OTOP1: variants seen among roughly 807,000 people sequenced by gnomAD.
OTOP1 encodes the protein otopetrin 1.
Under a neutral mutation model 52.9 loss-of-function variants are expected in OTOP1, and 59 were observed. The ratio of observed to expected loss-of-function variants is 1.12; its 90% CI spans 0.91 to 1.39. The LOEUF is 1.39. OTOP1 is among the 40% of genes most tolerant of loss of function. OTOP1 has a pLI of 0.00. For synonymous variants in OTOP1, 317 were observed against 337.7 expected (o/e 0.94, Z 0.67); for missense variants, 761 against 800.9 (o/e 0.95, Z 0.60).
chr4:4,223,721 G>A (rs551244708), intron 1 of OTOP1, among the ~76,000 whole-genome samples: 1 of 152,116 alleles, frequency 6.6e-6, no homozygotes, highest in African/African-American at 2.4e-5. Context: ...CCAACATGGT[G>A]AAACACTGTC....
Position 4,202,565 on chromosome 4 carries a change from G to A in OTOP1, c.613C>T (p.His205Tyr), listed in dbSNP as rs57982980. The A allele has an allele frequency of 1.9e-4, 304 of 1,613,824 alleles. No individual in the cohort carries two copies. The highest frequency in any genetic ancestry group is 2.5e-4 in the Admixed American group (15 of 59,988). Reference protein sequence around the residue: ...FKTLERFGVIHSVFTNLLLWA... With the variant: ...FKTLERFGVIYSVFTNLLLWA... ...AGAAGCAGGTTGGTGAACACCGAGT[G>A]GATCACTCCAAACCTGAAAAACACA... The change falls in exon 4 of 6, where the codon CAC becomes TAC. Residue 205 changes from histidine (H) to tyrosine (Y), a missense_variant. This residue lies in a region of OTOP1 where 632 missense variants were observed against 619.5 expected (regional missense o/e 1.02). Coordinates refer to ENST00000296358, the MANE Select transcript of OTOP1 (RefSeq NM_177998.3).
intron 3 of OTOP1, 33 bp downstream of exon 3, chr4:4,206,039 T>A (rs778111974): frequency 6.4e-7 from 1 of 1,551,836 alleles, no homozygotes; most frequent in African/African-American, 1.4e-5. Flanking sequence ...AATGCCAAAT[T>A]CAACATATAA....
chr4:4,216,466 C>T (rs1209854692), intron 1 of OTOP1, among the ~76,000 whole-genome samples: 2 of 152,148 alleles, frequency 1.3e-5, no homozygotes, highest in Non-Finnish European at 2.9e-5. Flanking sequence ...CATTAAGGCA[C>T]TGAGCAGAGA....
At chr4:4,203,570 C>T (rs552110652) in intron 3 of OTOP1, among the ~76,000 whole-genome samples, 1 of 152,310 alleles carries the variant, frequency 6.6e-6, no homozygotes, top group Admixed American at 6.5e-5. Flanking sequence ...ACACTGGACT[C>T]TGGGTAGCAG....
chr4:4,190,870 C>A (rs777409021), intron 5 of OTOP1, among the ~76,000 whole-genome samples: 1 of 152,104 alleles, frequency 6.6e-6, no homozygotes, highest in Non-Finnish European at 1.5e-5. Context: ...TGTTGGCCAG[C>A]GTCCAGGGAT....
chr4:4,191,030 G>A (rs745528445), intron 5 of OTOP1, among the ~76,000 whole-genome samples: 108 of 152,192 alleles, frequency 7.1e-4, no homozygotes, highest in African/African-American at 2.5e-3. Flanking sequence ...CATAGTTTCC[G>A]GTGGCAACTT....
chr4:4,220,684 C>T (rs1717280167), intron 1 of OTOP1, among the ~76,000 whole-genome samples: 1 of 152,172 alleles, frequency 6.6e-6, no homozygotes, highest in Non-Finnish European at 1.5e-5. Flanking sequence ...ATCACTCAAT[C>T]GCCAAGAAAA....
In OTOP1 at chr4:4,203,890, G is replaced by C. The variant is rs1242683633; in HGVS notation, c.600-1312C>G. On this transcript the variant is annotated intron_variant, in intron 3 of 5. Coordinates refer to ENST00000296358, the MANE Select transcript of OTOP1 (RefSeq NM_177998.3). ...CCTGGCTGGGTGGGGCAGATCCATG[G>C]AACCTTCCAAAACCACAGAATCTTG... 3.3e-5 allele frequency among the ~76,000 whole-genome samples: 5 copies of C among 152,338 alleles called. No homozygotes were observed. The East Asian group carries it at 7.7e-4, about 23-fold the overall frequency.
At chr4:4,193,996 T>C (rs1326496104) in intron 5 of OTOP1, among the ~76,000 whole-genome samples, 1 of 152,202 alleles carries the variant, frequency 6.6e-6, no homozygotes, top group African/African-American at 2.4e-5. Context: ...GAGACCACCC[T>C]GACCAACCTA....
chr4:4,213,048 T>G (rs888287357), intron 1 of OTOP1, 44 bp from the exon 2 acceptor site: 13 of 1,591,218 alleles, frequency 8.2e-6, no homozygotes, highest in Admixed American at 1.7e-5. Context: ...ACACATTGCA[T>G]TAACATACAT....
At chr4:4,211,016 C>G (rs1373623938) in intron 2 of OTOP1, among the ~76,000 whole-genome samples, 1 of 152,120 alleles carries the variant, frequency 6.6e-6, no homozygotes, top group Non-Finnish European at 1.5e-5. Flanking sequence ...CTTTCAAGTG[C>G]AAGGCAGCCC....
chr4:4,197,450 G>C lies in OTOP1; in HGVS notation c.1384C>G (p.Arg462Gly). 6.2e-7 allele frequency: 1 copy of C among 1,614,108 alleles called. No individual in the cohort carries two copies. The highest frequency in any genetic ancestry group is 1.3e-5 in the African/African-American group (1 of 75,022). ...TTGCCATTGCAGACTGTGACCACCC[G>C]AAGGGTTTGGATGTCCTCAGAGAGT... ...EKLSEDIQTL[R>G]VVTVCNGNTM... The change falls in exon 5 of 6, where the codon CGG becomes GGG. Residue 462 changes from arginine to glycine, a missense_variant. Transcript: ENST00000296358.
At chr4:4,220,990 G>A (rs548405934) in intron 1 of OTOP1, among the ~76,000 whole-genome samples, 2 of 152,006 alleles carry the variant, frequency 1.3e-5, no homozygotes, top group East Asian at 3.9e-4. Flanking sequence ...ATCTCTCAAA[G>A]CGTACCCTAC....
intron 4 of OTOP1, among the ~76,000 whole-genome samples, chr4:4,199,403 GT>G (rs1299983976): frequency 6.6e-6 from 1 of 151,744 alleles, no homozygotes; most frequent in African/African-American, 2.4e-5. Context: ...TATTTTGGGG[GT>G]TTTTTTGTTT....
chr4:4,216,290 C>T (rs1358858947), intron 1 of OTOP1, among the ~76,000 whole-genome samples: 3 of 152,160 alleles, frequency 2.0e-5, no homozygotes, highest in Non-Finnish European at 4.4e-5. Context: ...ATACAAAATA[C>T]ATTAAAAAGA....
chr4:4,197,015 T>A, intron 5 of OTOP1, 151 bp downstream of exon 5: 1 of 847,802 alleles, frequency 1.2e-6, no homozygotes, highest in Non-Finnish European at 1.8e-6. Flanking sequence ...TCGGGCACTA[T>A]GCTCATTACC....
intron 2 of OTOP1, 90 bp from the exon 3 acceptor site, chr4:4,206,220 T>C: frequency 9.0e-7 from 1 of 1,112,334 alleles, no homozygotes; most frequent in Non-Finnish European, 1.3e-6. Context: ...TCAAAGAAAA[T>C]GTATGAGAAA....
chr4:4,214,492 A>G (rs1398781452), intron 1 of OTOP1, among the ~76,000 whole-genome samples: 1 of 152,116 alleles, frequency 6.6e-6, no homozygotes, highest in African/African-American at 2.4e-5. Flanking sequence ...CCTAGGGGAT[A>G]TCTGTATTCT....
intron 4 of OTOP1, among the ~76,000 whole-genome samples, chr4:4,198,843 G>A (rs112459302): frequency 1.3e-5 from 2 of 152,094 alleles, no homozygotes; most frequent in African/African-American, 4.8e-5. Context: ...CCATAATTCT[G>A]TTCTTTCCAT....
Sources: allele counts gnomAD v4.1 joint callset (sites outside exome capture counted in the v4.1 genomes callset), GRCh38; gene constraint gnomAD v4.1.1; regional missense constraint gnomAD v4.1.1; transcripts MANE v1.5; gene names NCBI Gene and HGNC (gene_info 2026-07-23, HGNC 2026-07-21).